Variants in ZNF564 observed in about 807,000 individuals in gnomAD.
ZNF564 encodes zinc finger protein 564.
Under a neutral mutation model 10.5 loss-of-function variants are expected in ZNF564, and 5 were observed. The observed-to-expected ratio is 0.48, with a 90% CI of 0.25 to 1.00. The LOEUF is 1.00. Among genes scored for constraint, ZNF564 ranks in the 50% least tolerant of loss-of-function variants. The pLI is 0.16. For missense variants in ZNF564, 603 were observed against 669.7 expected (o/e 0.90, Z 1.10); for synonymous variants, 242 against 218.1 (o/e 1.11, Z -0.97).
At chr19:12,547,115 G>A (rs1223508194) in intron 1 of ZNF564, among the ~76,000 whole-genome samples, 2 of 152,160 alleles carry the variant, frequency 1.3e-5, no homozygotes, top group Non-Finnish European at 2.9e-5. Context: ...TGTTGTCCAG[G>A]CTAGAGTACA....
chr19:12,526,786 A>G lies in ZNF564; in HGVS notation c.1322T>C (p.Ile441Thr), dbSNP rs748678678. ...ATAAGGTCCATCTCCAGTGTGCAGT[A>G]TCATATGTTTTCTAATCCTTTTAAG... ...ISLKRIRKHM[I>T]LHTGDGPYKC... The change falls in exon 4 of 4, where the codon ATA becomes ACA. Residue 441 changes from isoleucine to threonine, a missense_variant. By Grantham distance (89) the Ile-to-Thr change is moderately conservative. Coordinates refer to ENST00000339282, the MANE Select transcript of ZNF564 (RefSeq NM_144976.4). 2 of 1,614,096 alleles carry G rather than the reference A, an allele frequency of 1.2e-6. No homozygotes were observed. The highest frequency in any genetic ancestry group is 1.7e-6 in the Non-Finnish European group (2 of 1,180,018).
intron 1 of ZNF564, chr19:12,548,901 CA>C (rs1483266956): frequency 1.4e-6 from 1 of 701,666 alleles, no homozygotes; most frequent in Non-Finnish European, 2.6e-6. Context: ...CTCTGTATTT[CA>C]CCAATTAATG....
At chr19:12,528,160 T>C (rs906217526) in intron 3 of ZNF564, 144 bp downstream of exon 3, 1 of 881,994 alleles carries the variant, frequency 1.1e-6, no homozygotes. Flanking sequence ...ACACTGAACA[T>C]CTATGCCACT....
At position 12,548,617 on chromosome 19, in the gene ZNF564, G is replaced by A. The variant is rs1013032593; in HGVS notation, c.3+2713C>T. ...CACCTGCCTTGGTGCTGGGATAACA[G>A]GCGTCAGCCATCGCGGCTGGCAAGA... On this transcript the variant is annotated intron_variant, in intron 1 of 3. Coordinates refer to ENST00000339282, the MANE Select transcript of ZNF564 (RefSeq NM_144976.4). 2.0e-5 allele frequency: 11 copies of A among 549,398 alleles called. No homozygotes were observed. The Admixed American group carries it at 3.3e-4, about 17-fold the overall frequency. 34.0% of individuals were successfully genotyped at this position (549,398 alleles called of 1,614,324 possible). A position where few individuals can be genotyped will look rare whatever the true frequency, so the allele number is the denominator to read the frequency against.
chr19:12,538,945 A>G (rs1443275129), intron 1 of ZNF564, among the ~76,000 whole-genome samples: 2 of 151,976 alleles, frequency 1.3e-5, no homozygotes, highest in African/African-American at 4.8e-5. Flanking sequence ...TAGGGGAGGT[A>G]GGCCAGGCGT....
At chr19:12,529,125 ATTTAT>A (rs1225397126) in intron 1 of ZNF564, among the ~76,000 whole-genome samples, 2 of 152,144 alleles carry the variant, frequency 1.3e-5, no homozygotes, top group Non-Finnish European at 2.9e-5. Flanking sequence ...GTCTCCAAAC[ATTTAT>A]TTTATGATAA....
chr19:12,540,342 A>G (rs894458970), intron 1 of ZNF564, among the ~76,000 whole-genome samples: 1 of 152,200 alleles, frequency 6.6e-6, no homozygotes, highest in African/African-American at 2.4e-5. Context: ...ATGTTTAGTA[A>G]GTTTCCACAA....
At position 12,533,727 on chromosome 19, in the gene ZNF564, C is replaced by CAAAAA. The variant is rs59631972; in HGVS notation, c.4-5036_4-5032dup. 6.3e-3 allele frequency among the ~76,000 whole-genome samples: 185 copies of CAAAAA among 29,144 alleles called. 21 individuals are homozygous for CAAAAA. The highest frequency in any genetic ancestry group is 7.6e-3 in the Admixed American group (11 of 1,456). 19.1% of individuals were successfully genotyped at this position (29,144 alleles called of 152,430 possible). On this transcript the variant is annotated intron_variant, in intron 1 of 3. Coordinates refer to ENST00000339282, the MANE Select transcript of ZNF564 (RefSeq NM_144976.4). ...GGGCGACACAGCAGGCTGCTGTCTC[C>CAAAAA]AAAAAAAAAAAAAAAAAAAAAAACA...
At position 12,527,227 on chromosome 19, in the gene ZNF564, G is replaced by A. The variant is rs750737832; in HGVS notation, c.881C>T (p.Thr294Ile). The change falls in exon 4 of 4, where the codon ACA (threonine) becomes ATA (isoleucine). Residue 294 changes from threonine (T) to isoleucine (I), a missense_variant. Thr to Ile is a moderately conservative substitution (Grantham distance 89). Transcript: ENST00000339282. The part of the protein sequence containing the change: ...KQCGKAFISF[T>I]NFQSHMIRHT... ...CCTAATCATATGACTTTGAAAATTTGTGAAAGAAATGAAGGCCTTCCCACA... is the reference window on the plus strand; with the variant it reads ...CCTAATCATATGACTTTGAAAATTTATGAAAGAAATGAAGGCCTTCCCACA... The A allele has an allele frequency of 6.2e-7, 1 of 1,614,038 alleles. No individual in the cohort carries two copies. The highest frequency in any genetic ancestry group is 2.2e-5 in the East Asian group (1 of 44,862).
At position 12,525,927 on chromosome 19, in the gene ZNF564, T is replaced by C. The variant is rs1450332951; in HGVS notation, c.*519A>G. ...TAATCCCAATTACAAGGCCTCCATCTTCATGATGTCCTCCAATCCTAAAAA... is the reference window on the plus strand; with the variant it reads ...TAATCCCAATTACAAGGCCTCCATCCTCATGATGTCCTCCAATCCTAAAAA... On this transcript the variant is annotated 3_prime_UTR_variant, in exon 4 of 4. Coordinates refer to ENST00000339282, the MANE Select transcript of ZNF564 (RefSeq NM_144976.4). 6.5e-6 allele frequency: 1 copy of C among 153,532 alleles called. No individual in the cohort carries two copies. Among genetic ancestry groups the C allele is most frequent in the Non-Finnish European group, 1.4e-5 (1 of 69,116 alleles). 9.5% of individuals were successfully genotyped at this position (153,532 alleles called of 1,614,324 possible). A position where few individuals can be genotyped will look rare whatever the true frequency, so the allele number is the denominator to read the frequency against.
At chr19:12,545,910 C>T (rs2022143362) in intron 1 of ZNF564, among the ~76,000 whole-genome samples, 1 of 152,116 alleles carries the variant, frequency 6.6e-6, no homozygotes, top group Admixed American at 6.6e-5. Context: ...CAACAACCCT[C>T]TAGTCATGGG....
intron 1 of ZNF564, among the ~76,000 whole-genome samples, chr19:12,532,166 A>G (rs2021814698): frequency 2.0e-5 from 3 of 151,890 alleles, no homozygotes; most frequent in Admixed American, 2.0e-4. Context: ...ATGCGCTATA[A>G]TTTATTGTGA....
At chr19:12,551,108 A>G (rs10412588) in intron 1 of ZNF564, among the ~76,000 whole-genome samples, 91,077 of 152,212 alleles carry the variant, frequency 0.6, 28,013 homozygotes, top group Non-Finnish European at 0.67. Context: ...TCCGAGGCCG[A>G]GGCCGCAGTC....
intron 1 of ZNF564, among the ~76,000 whole-genome samples, chr19:12,542,725 C>T (rs769838996): frequency 2.0e-5 from 3 of 151,942 alleles, no homozygotes; most frequent in Non-Finnish European, 4.4e-5. Flanking sequence ...AAAAAAGGGC[C>T]GGGCACCATA....
chr19:12,535,731 A>T (rs956552354), intron 1 of ZNF564, among the ~76,000 whole-genome samples: 6 of 152,066 alleles, frequency 3.9e-5, no homozygotes, highest in Non-Finnish European at 8.8e-5. Context: ...AATAGGGCAA[A>T]CTGGCCGGGT....
chr19:12,538,816 A>G (rs924278335), intron 1 of ZNF564, among the ~76,000 whole-genome samples: 2 of 152,086 alleles, frequency 1.3e-5, no homozygotes, highest in African/African-American at 4.8e-5. Flanking sequence ...CTCAAAAAAA[A>G]AAGTATCAAC....
intron 1 of ZNF564, chr19:12,530,243 A>G (rs2021776034): frequency 6.6e-6 from 1 of 152,156 alleles, no homozygotes; most frequent in Non-Finnish European, 1.5e-5. Flanking sequence ...TCCTCTGCAA[A>G]AGAAGTCATT....
chr19:12,543,690 A>AC (rs1251004650), intron 1 of ZNF564, among the ~76,000 whole-genome samples: 1 of 148,118 alleles, frequency 6.8e-6, no homozygotes, highest in Non-Finnish European at 1.5e-5. Context: ...AAAAAAAAAA[A>AC]AAAAAACAAC....
At chr19:12,536,980 T>C (rs1169369254) in intron 1 of ZNF564, among the ~76,000 whole-genome samples, 2 of 152,180 alleles carry the variant, frequency 1.3e-5, no homozygotes, top group African/African-American at 4.8e-5. Context: ...TCCTCCCATC[T>C]TCTTCTGCCA....
Sources: allele counts gnomAD v4.1 joint callset (sites outside exome capture counted in the v4.1 genomes callset), GRCh38; gene constraint gnomAD v4.1.1; transcripts MANE v1.5; gene names NCBI Gene and HGNC (gene_info 2026-07-23, HGNC 2026-07-21).